ZNF385D: variants seen among roughly 807,000 people sequenced by gnomAD.
The protein encoded by ZNF385D is zinc finger protein 659.
In ZNF385D, 15 loss-of-function variants were observed where a neutral mutation model predicts 35.8. The ratio of observed to expected loss-of-function variants is 0.42; its 90% CI spans 0.28 to 0.64. ZNF385D has a LOEUF of 0.64. Among genes scored for constraint, ZNF385D ranks in the 30% least tolerant of loss-of-function variants. The probability of loss-of-function intolerance (pLI) is 0.23; values close to 1 mark genes in which losing one functional copy is unlikely to be tolerated. For synonymous variants in ZNF385D, 212 were observed against 186.8 expected (o/e 1.13, Z -1.10); for missense variants, 474 against 494.6 (o/e 0.96, Z 0.39).
In ZNF385D at chr3:22,169,901, C is replaced by A. The variant is rs1244460281; in HGVS notation, c.107-866G>T. Among the ~76,000 whole-genome samples, 7 of 152,194 alleles carry A rather than the reference C, an allele frequency of 4.6e-5. No individual in the cohort carries two copies. In the East Asian group the frequency reaches 5.8e-4, roughly 13 times the overall value. On this transcript the variant is annotated intron_variant, in intron 2 of 5. Coordinates refer to the ZNF385D transcript ENST00000494108. ...CCTTGACCTCCTGGGCTCAAGCAGT[C>A]CCCCCACTTTAGCCTACTAAGTAGC...
chr3:21,949,545 T>G (rs942157925), intron 3 of ZNF385D, among the ~76,000 whole-genome samples: 1 of 73,550 alleles, frequency 1.4e-5, no homozygotes, highest in Non-Finnish European at 2.6e-5. Context: ...TTCCTTCTTT[T>G]CTTTCTTTCT....
At chr3:21,546,088 A>G (rs1396478753) in intron 3 of ZNF385D, among the ~76,000 whole-genome samples, 1 of 152,116 alleles carries the variant, frequency 6.6e-6, no homozygotes, top group Non-Finnish European at 1.5e-5. Flanking sequence ...AACAAAATTG[A>G]GGACTGGAAG....
chr3:21,753,423 G>A (rs2070192576), upstream of ZNF385D, among the ~76,000 whole-genome samples: 1 of 152,178 alleles, frequency 6.6e-6, no homozygotes, highest in Admixed American at 6.5e-5. Flanking sequence ...TACATCAGCA[G>A]GGAGCATCTG....
At chr3:22,231,935 C>A (rs1433231453) in intron 2 of ZNF385D, among the ~76,000 whole-genome samples, 2 of 152,080 alleles carry the variant, frequency 1.3e-5, no homozygotes, top group African/African-American at 4.8e-5. Flanking sequence ...TGTTTCTCCT[C>A]CTGCTCTGGC....
At chr3:22,063,223 T>TC (rs1699776146) in intron 3 of ZNF385D, among the ~76,000 whole-genome samples, 1 of 152,194 alleles carries the variant, frequency 6.6e-6, no homozygotes, top group South Asian at 2.1e-4. Context: ...ATTATCTATT[T>TC]CACTGGTTTA....
intron 3 of ZNF385D, among the ~76,000 whole-genome samples, chr3:21,853,287 GAA>G (rs1485837994): frequency 1.3e-5 from 2 of 151,774 alleles, no homozygotes; most frequent in African/African-American, 4.8e-5. Context: ...AAAAGGTCTG[GAA>G]AAGTCTGTCT....
chr3:21,599,105 G>T (rs573011121), intron 2 of ZNF385D, among the ~76,000 whole-genome samples: 1 of 152,274 alleles, frequency 6.6e-6, no homozygotes, highest in African/African-American at 2.4e-5. Flanking sequence ...TCTACAGGAG[G>T]TTACCAAAAT....
In ZNF385D at chr3:21,926,426, T is replaced by C. The variant is rs149104895; in HGVS notation, c.325+242391A>G. On this transcript the variant is annotated intron_variant, in intron 3 of 5. Coordinates refer to the ZNF385D transcript ENST00000494108. ...GTGTTTAGTTTCCTGAGAATGATGG[T>C]TTCCAGCTTAATCCATGTCCCTGCA... Among the ~76,000 whole-genome samples, 785 of 152,282 alleles carry C rather than the reference T, an allele frequency of 5.2e-3. 11 individuals are homozygous for C. Among genetic ancestry groups the C allele is most frequent in the African/African-American group, 0.018 (749 of 41,546 alleles).
chr3:21,498,731 C>T (rs1333448033), intron 4 of ZNF385D, among the ~76,000 whole-genome samples: 1 of 151,978 alleles, frequency 6.6e-6, no homozygotes, highest in African/African-American at 2.4e-5. Context: ...ATCACAAGGT[C>T]AAGAGATCGA....
chr3:21,890,700 A>G (rs548535186), intron 3 of ZNF385D, among the ~76,000 whole-genome samples: 4 of 152,292 alleles, frequency 2.6e-5, no homozygotes, highest in South Asian at 2.1e-4. Context: ...AAAAGATGCT[A>G]TTTTCTTAAG....
At chr3:22,047,023 T>G (rs76421340) in intron 3 of ZNF385D, among the ~76,000 whole-genome samples, 1 of 152,068 alleles carries the variant, frequency 6.6e-6, no homozygotes, top group Non-Finnish European at 1.5e-5. Context: ...TGGCCAATAA[T>G]GAATTAAGAT....
At chr3:22,276,680 C>T (rs140139132) in intron 2 of ZNF385D, among the ~76,000 whole-genome samples, 109 of 152,208 alleles carry the variant, frequency 7.2e-4, no homozygotes, top group African/African-American at 2.6e-3. Flanking sequence ...ATTTCACCAT[C>T]GGTGATACAA....
rs1314292084 is a variant in ZNF385D, at chr3:21,584,019, G to A, written c.166-19335C>T. 2.0e-5 allele frequency among the ~76,000 whole-genome samples: 3 copies of A among 148,862 alleles called. No individual in the cohort carries two copies. In the South Asian group the frequency reaches 6.3e-4, roughly 31 times the overall value. On this transcript the variant is annotated intron_variant, in intron 2 of 7. Transcript: ENST00000281523. Reference sequence around the variant, plus strand: ...AGACAGAGTTTTGCCTGTCGCCCAGGCTGGAGTGCGATGGCGTGATCTCGG... The same window carrying A: ...AGACAGAGTTTTGCCTGTCGCCCAGACTGGAGTGCGATGGCGTGATCTCGG...
At chr3:22,144,043 AGAGT>A (rs1433682974) in intron 3 of ZNF385D, among the ~76,000 whole-genome samples, 2 of 152,102 alleles carry the variant, frequency 1.3e-5, no homozygotes, top group Non-Finnish European at 2.9e-5. Flanking sequence ...GACTGACTGA[AGAGT>A]GAAATGTTGC....
chr3:21,576,109 C>T (rs2063489976), intron 2 of ZNF385D, among the ~76,000 whole-genome samples: 1 of 152,126 alleles, frequency 6.6e-6, no homozygotes, highest in Non-Finnish European at 1.5e-5. Flanking sequence ...CATATATTGT[C>T]AACTAAACAG....
At chr3:21,768,449 T>A (rs551772879) in intron 3 of ZNF385D, among the ~76,000 whole-genome samples, 1 of 151,908 alleles carries the variant, frequency 6.6e-6, no homozygotes, top group Non-Finnish European at 1.5e-5. Flanking sequence ...TTGATATAAC[T>A]CTTTTGGAAC....
chr3:21,517,893 G>C (rs1487878116), intron 3 of ZNF385D, among the ~76,000 whole-genome samples: 1 of 152,050 alleles, frequency 6.6e-6, no homozygotes, highest in Non-Finnish European at 1.5e-5. Flanking sequence ...CTCAAATTCT[G>C]GTCCCCAGAC....
chr3:22,325,570 C>A (rs1694636537), intron 2 of ZNF385D, among the ~76,000 whole-genome samples: 1 of 152,076 alleles, frequency 6.6e-6, no homozygotes, highest in Non-Finnish European at 1.5e-5. Flanking sequence ...TCGAGACCAG[C>A]CTGGGCAACA....
At chr3:22,289,675 C>G (rs1354571783) in intron 2 of ZNF385D, among the ~76,000 whole-genome samples, 1 of 152,136 alleles carries the variant, frequency 6.6e-6, no homozygotes, top group Non-Finnish European at 1.5e-5. Context: ...ATTCTGTAAT[C>G]AAGGGAGAAT....
Sources: gnomAD v4.1 joint callset for allele counts (sites outside exome capture counted in the v4.1 genomes callset) on GRCh38, gnomAD v4.1.1 for gene constraint, MANE v1.5 for transcripts, NCBI Gene and HGNC (gene_info 2026-07-23, HGNC 2026-07-21) for gene names.